Variants in HPSE2 observed in about 807,000 individuals in gnomAD.
HPSE2 encodes the protein heparanase 2 (inactive).
Under a neutral mutation model 60.5 loss-of-function variants are expected in HPSE2, and 38 were observed. That is an observed-to-expected ratio of 0.63 (90% CI 0.48 to 0.82). The LOEUF is 0.82. HPSE2 is among the 40% of genes least tolerant of loss of function. The probability of loss-of-function intolerance (pLI) is 0.00; values close to 1 mark genes in which losing one functional copy is unlikely to be tolerated. For missense variants in HPSE2, 713 were observed against 740.4 expected, an observed-to-expected ratio of 0.96 and a Z score of 0.43; for synonymous variants, 295 against 293.2, an observed-to-expected ratio of 1.01 and a Z score of -0.06.
chr10:98,715,489 T>C (rs1454506859), intron 5 of HPSE2, among the ~76,000 whole-genome samples: 1 of 152,004 alleles, frequency 6.6e-6, no homozygotes, highest in Non-Finnish European at 1.5e-5. Context: ...TTTTCTTTCA[T>C]GCTACTGATT....
At chr10:98,671,018 C>A (rs1000720431) in intron 6 of HPSE2, among the ~76,000 whole-genome samples, 1 of 152,126 alleles carries the variant, frequency 6.6e-6, no homozygotes, top group African/African-American at 2.4e-5. Flanking sequence ...CTCTGAGAAT[C>A]GTGTTGGTGT....
intron 3 of HPSE2, among the ~76,000 whole-genome samples, chr10:98,980,118 T>C (rs186053516): frequency 2.6e-5 from 4 of 152,302 alleles, no homozygotes; most frequent in African/African-American, 9.6e-5. Context: ...CAGAGAGATC[T>C]TGGCTAAAAC....
At position 99,029,836 on chromosome 10, in the gene HPSE2, G is replaced by A. The variant is rs1488489457; in HGVS notation, c.610+114402C>T. On this transcript the variant is annotated intron_variant, in intron 3 of 11. Transcript: ENST00000370552. ...AATATCAGGCCCTCCACAAGAGGTGGAGGAGCAGAGTCTTCTCTAAACTCC... is the reference window on the plus strand; with the variant it reads ...AATATCAGGCCCTCCACAAGAGGTGAAGGAGCAGAGTCTTCTCTAAACTCC... Among the ~76,000 whole-genome samples the A allele has an allele frequency of 2.0e-5, 3 of 152,190 alleles. No homozygotes were observed. In the East Asian group the frequency reaches 5.8e-4, roughly 29 times the overall value.
intron 3 of HPSE2, among the ~76,000 whole-genome samples, chr10:98,771,734 G>T (rs1950245072): frequency 6.6e-6 from 1 of 152,174 alleles, no homozygotes; most frequent in Non-Finnish European, 1.5e-5. Flanking sequence ...CTTGAGATGT[G>T]GGATTTAACA....
At chr10:99,151,770 G>T (rs1338696665) in intron 2 of HPSE2, among the ~76,000 whole-genome samples, 1 of 152,034 alleles carries the variant, frequency 6.6e-6, no homozygotes, top group Non-Finnish European at 1.5e-5. Flanking sequence ...GAAATATTTA[G>T]CCAAACATGA....
intron 11 of HPSE2, among the ~76,000 whole-genome samples, chr10:98,468,418 A>G (rs1940643337): frequency 6.6e-6 from 1 of 151,952 alleles, no homozygotes; most frequent in South Asian, 2.1e-4. Flanking sequence ...TGTGTCCTGA[A>G]CTTTTCTTCT....
intron 9 of HPSE2, among the ~76,000 whole-genome samples, chr10:98,597,068 T>C (rs1945259249): frequency 6.6e-6 from 1 of 152,058 alleles, no homozygotes; most frequent in Non-Finnish European, 1.5e-5. Flanking sequence ...AAGTCCCTTA[T>C]AAAACCATCA....
chr10:99,292,709 G>A, the HPSE2 span, among the ~76,000 whole-genome samples: 5 of 152,048 alleles, frequency 3.3e-5, no homozygotes, highest in Admixed American at 3.3e-4. Context: ...ATTTCAACAT[G>A]TAATTAATAT....
At chr10:98,619,575 G>A (rs1183651039) in intron 8 of HPSE2, among the ~76,000 whole-genome samples, 2 of 152,110 alleles carry the variant, frequency 1.3e-5, no homozygotes, top group Non-Finnish European at 2.9e-5. Context: ...GGGTTTTTAA[G>A]ACCTTCTGTA....
At chr10:99,262,255 C>T in the HPSE2 span, among the ~76,000 whole-genome samples, 6 of 152,158 alleles carry the variant, frequency 3.9e-5, no homozygotes, top group Non-Finnish European at 8.8e-5. Context: ...GGTTTCTAAA[C>T]CTCTTAAAAC....
chr10:98,603,446 T>G (rs979869416), intron 9 of HPSE2, among the ~76,000 whole-genome samples: 1 of 150,978 alleles, frequency 6.6e-6, no homozygotes, highest in African/African-American at 2.4e-5. Flanking sequence ...TTTGTTTTTT[T>G]TTTTGACAGA....
At chr10:99,279,227 C>T in the HPSE2 span, among the ~76,000 whole-genome samples, 2 of 152,232 alleles carry the variant, frequency 1.3e-5, no homozygotes, top group Admixed American at 6.5e-5. Context: ...GATTCCATTG[C>T]TCTTTACTGA....
At chr10:98,875,972 G>A (rs976301690) in intron 3 of HPSE2, among the ~76,000 whole-genome samples, 1 of 151,782 alleles carries the variant, frequency 6.6e-6, no homozygotes, top group South Asian at 2.1e-4. Flanking sequence ...AAAAATACAG[G>A]TTTGCTAACT....
At chr10:98,825,637 G>C (rs1407310021) in intron 3 of HPSE2, among the ~76,000 whole-genome samples, 3 of 151,500 alleles carry the variant, frequency 2.0e-5, no homozygotes, top group African/African-American at 7.3e-5. Flanking sequence ...GGGAGGTGTG[G>C]GGGGGAGTGA....
At chr10:98,715,478 T>G (rs1305621664) in intron 5 of HPSE2, among the ~76,000 whole-genome samples, 17 of 151,970 alleles carry the variant, frequency 1.1e-4, no homozygotes, top group Admixed American at 1.1e-3. Flanking sequence ...TATCTTGGTT[T>G]TTTTCTTTCA....
At chr10:98,636,110 T>C (rs1295598053) in intron 7 of HPSE2, among the ~76,000 whole-genome samples, 8 of 152,206 alleles carry the variant, frequency 5.3e-5, no homozygotes, top group African/African-American at 1.7e-4. Flanking sequence ...TAGTGTATGA[T>C]AGCACTGTAG....
At chr10:98,899,306 G>A (rs1446966014) in intron 3 of HPSE2, among the ~76,000 whole-genome samples, 1 of 152,120 alleles carries the variant, frequency 6.6e-6, no homozygotes, top group Non-Finnish European at 1.5e-5. Flanking sequence ...TTTAAAAATC[G>A]ATAAATTTGA....
chr10:99,137,526 G>C (rs533673165), intron 3 of HPSE2, among the ~76,000 whole-genome samples: 22 of 152,276 alleles, frequency 1.4e-4, no homozygotes, highest in Middle Eastern at 6.8e-3. Flanking sequence ...AAACAGCATG[G>C]TACTGGTACC....
chr10:98,850,433 G>C (rs1398881605), intron 3 of HPSE2, among the ~76,000 whole-genome samples: 1 of 152,080 alleles, frequency 6.6e-6, no homozygotes, highest in African/African-American at 2.4e-5. Context: ...AGGTATTATA[G>C]TGAGTTAAAA....
Sources: allele counts gnomAD v4.1 joint callset (sites outside exome capture counted in the v4.1 genomes callset), GRCh38; gene constraint gnomAD v4.1.1; transcripts MANE v1.5; gene names NCBI Gene and HGNC (gene_info 2026-07-23, HGNC 2026-07-21).